Variants in STAP1 observed in about 807,000 individuals in gnomAD.
STAP1 encodes signal-transducing adaptor protein 1.
In STAP1, 30 loss-of-function variants were observed where a neutral mutation model predicts 37.8. That is an observed-to-expected ratio of 0.79 (90% CI 0.59 to 1.08). The LOEUF is 1.08. STAP1 is among the 50% of genes least tolerant of loss of function. The probability of loss-of-function intolerance (pLI) is 0.00; values close to 1 mark genes in which losing one functional copy is unlikely to be tolerated. For synonymous variants in STAP1, 130 were observed against 116.0 expected (o/e 1.12, Z -0.78); for missense variants, 357 against 349.4 (o/e 1.02, Z -0.17).
In STAP1 at chr4:67,590,959, T is replaced by C; in HGVS notation, c.729+6T>C. ...CTATTGAACTGGAAAAACCTGTAAG[T>C]AACTATTTTTGTTGTTGTTGATGAA... On this transcript the variant is annotated splice_donor_region_variant and intron_variant, in intron 7 of 8. Transcript: ENST00000265404. 1.2e-6 allele frequency: 2 copies of C among 1,608,136 alleles called. No individual in the cohort carries two copies. Among genetic ancestry groups the C allele is most frequent in the Non-Finnish European group, 1.7e-6 (2 of 1,176,216 alleles).
intron 1 of STAP1, among the ~76,000 whole-genome samples, chr4:67,570,496 A>C (rs192135111): frequency 1.2e-4 from 19 of 152,232 alleles, no homozygotes; most frequent in African/African-American, 4.6e-4. Context: ...TGTTATACTA[A>C]AATAAACTTG....
chr4:67,605,378 A>C (rs1404198544), intron 8 of STAP1, among the ~76,000 whole-genome samples: 1 of 118,342 alleles, frequency 8.5e-6, no homozygotes, highest in Non-Finnish European at 1.8e-5. Context: ...GGAAGAAAAA[A>C]TAGACAATAC....
chr4:67,566,139 G>C (rs1295509441), intron 1 of STAP1, among the ~76,000 whole-genome samples: 1 of 151,624 alleles, frequency 6.6e-6, no homozygotes, highest in African/African-American at 2.4e-5. Flanking sequence ...GTAGATACAG[G>C]GTTTCACCAC....
intron 8 of STAP1, among the ~76,000 whole-genome samples, chr4:67,602,510 G>A (rs354878): frequency 0.41 from 62,299 of 151,982 alleles, 13,235 homozygotes; most frequent in Middle Eastern, 0.47. Context: ...TCTTCAAAAA[G>A]AATTGAGTAT....
intron 4 of STAP1, among the ~76,000 whole-genome samples, chr4:67,578,201 A>T (rs1465087185): frequency 6.6e-6 from 1 of 152,210 alleles, no homozygotes; most frequent in Non-Finnish European, 1.5e-5. Flanking sequence ...ATTTTAGATA[A>T]AGCCACTGTA....
At chr4:67,574,287 T>A (rs1727671406) in intron 2 of STAP1, among the ~76,000 whole-genome samples, 1 of 152,120 alleles carries the variant, frequency 6.6e-6, no homozygotes, top group Non-Finnish European at 1.5e-5. Context: ...GTCAATGTAA[T>A]TCGATCATAA....
intron 1 of STAP1, among the ~76,000 whole-genome samples, chr4:67,566,257 C>CTTTTTTACA: frequency 6.6e-6 from 1 of 151,968 alleles, no homozygotes; most frequent in East Asian, 1.9e-4. Flanking sequence ...CCTCTTCCCT[C>CTTTTTTACA]TTTTTTACAT....
intron 5 of STAP1, among the ~76,000 whole-genome samples, 198 bp downstream of exon 5, chr4:67,581,669 T>C (rs1727863985): frequency 6.6e-6 from 1 of 152,188 alleles, no homozygotes; most frequent in Admixed American, 6.5e-5. Context: ...CCAACCATCT[T>C]ACCACACAGG....
At chr4:67,576,537 T>C (rs888971279) in intron 3 of STAP1, among the ~76,000 whole-genome samples, 3 of 152,208 alleles carry the variant, frequency 2.0e-5, no homozygotes, top group African/African-American at 7.2e-5. Flanking sequence ...ACCTGTGAAG[T>C]GCTTAAAATA....
intron 1 of STAP1, among the ~76,000 whole-genome samples, chr4:67,564,263 C>T (rs1382081683): frequency 1.3e-5 from 2 of 152,116 alleles, no homozygotes; most frequent in African/African-American, 4.8e-5. Context: ...CAACTTAGTG[C>T]CTTTATACTT....
chr4:67,572,825 G>C (rs1367265990), intron 2 of STAP1, among the ~76,000 whole-genome samples: 1 of 152,108 alleles, frequency 6.6e-6, no homozygotes. Context: ...TTTAATTCCG[G>C]CTTTATAGAT....
At position 67,572,756 on chromosome 4, in the gene STAP1, C is replaced by A. The variant is rs113743055; in HGVS notation, c.192+1601C>A. Among the ~76,000 whole-genome samples, 936 of 152,316 alleles carry A rather than the reference C, an allele frequency of 6.1e-3. 4 individuals carry two copies. The highest frequency in any genetic ancestry group is 0.017 in the Middle Eastern group (5 of 294). Reference sequence around the variant, plus strand: ...GAGTAGCTGGCACATAGTAAGCATTCAGGCATTTTACATGCATTGCCTAAT... The same window carrying A: ...GAGTAGCTGGCACATAGTAAGCATTAAGGCATTTTACATGCATTGCCTAAT... On this transcript the variant is annotated intron_variant, in intron 2 of 8. Transcript: ENST00000265404.
intron 6 of STAP1, among the ~76,000 whole-genome samples, chr4:67,587,484 C>T (rs938280468): frequency 2.6e-5 from 4 of 152,176 alleles, no homozygotes; most frequent in African/African-American, 7.2e-5. Flanking sequence ...CCCAATGGTG[C>T]GTGAATTCAT....
chr4:67,593,413 C>G, intron 8 of STAP1, 57 bp downstream of exon 8: 4 of 1,273,954 alleles, frequency 3.1e-6, no homozygotes, highest in Non-Finnish European at 4.5e-6. Flanking sequence ...AAAACAAAAT[C>G]CCCAAAACTC....
At chr4:67,559,879 A>T (rs1418059389) in intron 1 of STAP1, among the ~76,000 whole-genome samples, 2 of 152,176 alleles carry the variant, frequency 1.3e-5, no homozygotes, top group East Asian at 3.8e-4. Context: ...TCTTACATAT[A>T]TAATCAGATC....
Position 67,583,714 on chromosome 4 carries a change from T to A in STAP1, c.659+12T>A, listed in dbSNP as rs751271558. On this transcript the variant is annotated intron_variant, in intron 6 of 8. Coordinates refer to ENST00000265404, the MANE Select transcript of STAP1 (RefSeq NM_012108.4). ...CGGCAGGAGATAGAGTATGTTTATTTTTTTTAAATGTATGGAATTTTTAAA... is the reference window on the plus strand; with the variant it reads ...CGGCAGGAGATAGAGTATGTTTATTATTTTTAAATGTATGGAATTTTTAAA... 3.1e-6 allele frequency: 5 copies of A among 1,606,416 alleles called. No individual in the cohort carries two copies. The African/African-American group carries it at 6.7e-5, about 22-fold the overall frequency.
intron 8 of STAP1, 44 bp downstream of exon 8, chr4:67,593,400 A>G (rs1466878723): frequency 1.4e-6 from 2 of 1,428,152 alleles, no homozygotes; most frequent in Non-Finnish European, 1.9e-6. Context: ...AACAAAACAA[A>G]ACAAAACAAA....
chr4:67,577,087 TAAGCC>T (rs1727738470), intron 3 of STAP1, 111 bp from the exon 4 acceptor site: 1 of 900,502 alleles, frequency 1.1e-6, no homozygotes, highest in African/African-American at 1.7e-5. Context: ...TTAGTAGTTC[TAAGCC>T]AAAAAAAGAA....
intron 8 of STAP1, among the ~76,000 whole-genome samples, chr4:67,597,502 C>T (rs1728251802): frequency 6.6e-6 from 1 of 152,164 alleles, no homozygotes; most frequent in Non-Finnish European, 1.5e-5. Context: ...CTCCAGAACC[C>T]AGAATGGTAG....
Sources: allele counts gnomAD v4.1 joint callset (sites outside exome capture counted in the v4.1 genomes callset), GRCh38; gene constraint gnomAD v4.1.1; transcripts MANE v1.5; gene names NCBI Gene and HGNC (gene_info 2026-07-23, HGNC 2026-07-21).